The following MYRIP variants were observed in gnomAD, a reference collection of about 807,000 sequenced individuals.
MYRIP encodes the protein myosin VIIA and Rab interacting protein.
MYRIP carries 49 observed loss-of-function variants against 98.0 expected under a neutral mutation model. The ratio of observed to expected loss-of-function variants is 0.50; its 90% CI spans 0.40 to 0.63. MYRIP has a LOEUF of 0.63. Among genes scored for constraint, MYRIP ranks in the 30% least tolerant of loss-of-function variants. The pLI, the probability that MYRIP is intolerant of heterozygous loss-of-function variation, is 0.00. For missense variants in MYRIP, 1,004 were observed against 1,058.2 expected, an observed-to-expected ratio of 0.95 and a Z score of 0.71; for synonymous variants, 404 against 409.5, an observed-to-expected ratio of 0.99 and a Z score of 0.16.
chr3:39,919,719 T>TGAGAGAGA (rs1219817798), intron 2 of MYRIP, among the ~76,000 whole-genome samples: 1 of 146,856 alleles, frequency 6.8e-6, no homozygotes, highest in Non-Finnish European at 1.5e-5. Flanking sequence ...TGTGTGTGTG[T>TGAGAGAGA]GTGTGTGTGA....
intron 3 of MYRIP, among the ~76,000 whole-genome samples, chr3:40,115,351 C>T (rs1559406800): frequency 6.6e-6 from 1 of 152,122 alleles, no homozygotes; most frequent in East Asian, 1.9e-4. Context: ...CTCACTGTTC[C>T]ACATGGCTGG....
At chr3:40,033,463 G>A (rs993699791) in intron 2 of MYRIP, among the ~76,000 whole-genome samples, 19 of 152,128 alleles carry the variant, frequency 1.2e-4, no homozygotes, top group South Asian at 6.2e-4. Flanking sequence ...GTGAACTCCC[G>A]TTCACAGTTG....
At chr3:40,011,974 ATACT>A (rs1421099645) in intron 2 of MYRIP, among the ~76,000 whole-genome samples, 1 of 152,220 alleles carries the variant, frequency 6.6e-6, no homozygotes, top group Admixed American at 6.5e-5. Flanking sequence ...ATCATAATAT[ATACT>A]TACTTATAAA....
At chr3:40,134,633 C>T (rs1199227999) in intron 3 of MYRIP, among the ~76,000 whole-genome samples, 1 of 152,170 alleles carries the variant, frequency 6.6e-6, no homozygotes, top group Non-Finnish European at 1.5e-5. Flanking sequence ...AGGCACACCC[C>T]AGTAGGGGCG....
intron 2 of MYRIP, among the ~76,000 whole-genome samples, chr3:40,042,288 TAAAA>T (rs66600615): frequency 1.1e-4 from 12 of 112,566 alleles, no homozygotes; most frequent in Admixed American, 2.6e-4. Flanking sequence ...ACTGGAAGGA[TAAAA>T]AAAAAAAAAA....
intron 2 of MYRIP, among the ~76,000 whole-genome samples, chr3:39,934,992 A>G (rs746084037): frequency 4.6e-5 from 7 of 152,112 alleles, no homozygotes; most frequent in Non-Finnish European, 2.9e-5. Flanking sequence ...GTTGCCTTAC[A>G]TGTCAGTGAC....
intron 2 of MYRIP, among the ~76,000 whole-genome samples, chr3:39,917,408 T>G (rs1944187872): frequency 7.0e-6 from 1 of 143,262 alleles, no homozygotes; most frequent in South Asian, 2.4e-4. Flanking sequence ...GAGTCAAAAC[T>G]ACTGGGTTTA....
chr3:40,091,817 A>T (rs1387602612), intron 3 of MYRIP, among the ~76,000 whole-genome samples: 1 of 152,096 alleles, frequency 6.6e-6, no homozygotes, highest in Non-Finnish European at 1.5e-5. Context: ...GTTGAGGGAG[A>T]ATTCAAACAA....
At chr3:40,161,218 T>A (rs759075729) in intron 4 of MYRIP, among the ~76,000 whole-genome samples, 94 of 152,320 alleles carry the variant, frequency 6.2e-4, no homozygotes, top group Middle Eastern at 6.8e-3. Flanking sequence ...TCAGTCCCTT[T>A]CTGCCCTTGA....
chr3:39,840,002 C>T (rs751452001), intron 1 of MYRIP, among the ~76,000 whole-genome samples: 1 of 152,130 alleles, frequency 6.6e-6, no homozygotes, highest in African/African-American at 2.4e-5. Flanking sequence ...TGGTCCAGAG[C>T]TGAGTTCAAG....
chr3:39,923,990 A>T (rs1012002513), intron 2 of MYRIP, among the ~76,000 whole-genome samples: 1 of 152,108 alleles, frequency 6.6e-6, no homozygotes, highest in South Asian at 2.1e-4. Flanking sequence ...ATACAAAGAG[A>T]TATATTCTAA....
chr3:39,844,300 G>A lies in MYRIP; in HGVS notation c.-31+34384G>A, dbSNP rs540002446. 7.1e-4 allele frequency among the ~76,000 whole-genome samples: 108 copies of A among 152,326 alleles called. 1 individual carries two copies. Among genetic ancestry groups the A allele is most frequent in the African/African-American group, 2.5e-3 (105 of 41,576 alleles). On this transcript the variant is annotated intron_variant, in intron 1 of 16. Transcript: ENST00000302541. ...TGCTGGAAATTCTGCCTCCCAGAAG[G>A]AATTCCCTTTACTAATATCCTGCGG...
chr3:40,121,156 G>A lies in MYRIP; in HGVS notation c.333-29892G>A, dbSNP rs568942298. Among the ~76,000 whole-genome samples the A allele has an allele frequency of 1.9e-3, 294 of 152,244 alleles. 2 individuals carry two copies. The highest frequency in any genetic ancestry group is 6.7e-3 in the African/African-American group (280 of 41,542). On this transcript the variant is annotated intron_variant, in intron 3 of 16. Coordinates refer to ENST00000302541, the MANE Select transcript of MYRIP (RefSeq NM_015460.4). ...GGCGGGTCCCACTGAGGCAGGTCCC[G>A]CTAGGGAAGAGGATGTGCTGCTGTG...
chr3:39,816,785 C>T (rs1347340747), intron 1 of MYRIP, among the ~76,000 whole-genome samples: 2 of 152,146 alleles, frequency 1.3e-5, no homozygotes, highest in Admixed American at 6.5e-5. Context: ...TAAAAATCAC[C>T]TATATTCCCA....
upstream of MYRIP, among the ~76,000 whole-genome samples, chr3:39,809,151 C>A (rs1436658025): frequency 6.6e-6 from 1 of 152,148 alleles, no homozygotes; most frequent in African/African-American, 2.4e-5. Context: ...GTCTTAGATT[C>A]AGGCAGGCCC....
At chr3:40,121,378 A>G (rs1166128121) in intron 3 of MYRIP, among the ~76,000 whole-genome samples, 1 of 151,558 alleles carries the variant, frequency 6.6e-6, no homozygotes, top group Non-Finnish European at 1.5e-5. Flanking sequence ...CTCTTTTCCC[A>G]CCCCTTTCTG....
chr3:40,098,759 T>TGTGTGTGTGTGTGTGTGC (rs1948882442), intron 3 of MYRIP, among the ~76,000 whole-genome samples: 1 of 151,406 alleles, frequency 6.6e-6, no homozygotes, highest in Admixed American at 6.6e-5. Context: ...TGTGTGTGTG[T>TGTGTGTGTGTGTGTGTGC]GTGTGTGTGT....
At chr3:39,876,709 C>G (rs1335211439) in intron 1 of MYRIP, among the ~76,000 whole-genome samples, 2 of 152,114 alleles carry the variant, frequency 1.3e-5, no homozygotes, top group South Asian at 2.1e-4. Flanking sequence ...GCCGAGAGAT[C>G]TGCTGTTAGT....
chr3:39,851,585 G>A (rs1559496641), intron 1 of MYRIP, among the ~76,000 whole-genome samples: 1 of 152,136 alleles, frequency 6.6e-6, no homozygotes, highest in Non-Finnish European at 1.5e-5. Context: ...CCTTCACCAT[G>A]TTCACTTCTG....
Sources: gnomAD v4.1 joint callset for allele counts (sites outside exome capture counted in the v4.1 genomes callset) on GRCh38, gnomAD v4.1.1 for gene constraint, MANE v1.5 for transcripts, NCBI Gene and HGNC (gene_info 2026-07-23, HGNC 2026-07-21) for gene names.